Variants in MSH6 observed in about 807,000 individuals in gnomAD.
MSH6 encodes the protein mutS homolog 6.
A neutral mutation model predicts 119.1 loss-of-function variants in MSH6; 85 were observed. That is an observed-to-expected ratio of 0.71 (90% CI 0.60 to 0.85). The LOEUF (loss-of-function observed/expected upper bound fraction) is 0.85, where lower values mean the gene tolerates loss of function less well. Among genes scored for constraint, MSH6 ranks in the 40% least tolerant of loss-of-function variants. MSH6 has a pLI of 0.00. For missense variants in MSH6, 2,163 were observed against 1,655.3 expected (o/e 1.31, Z -5.32); for synonymous variants, 830 against 586.9 (o/e 1.41, Z -5.99).
At chr2:47,802,615 G>A (rs1247075418) in intron 4 of MSH6, among the ~76,000 whole-genome samples, 1 of 149,054 alleles carries the variant, frequency 6.7e-6, no homozygotes, top group Admixed American at 6.7e-5. Flanking sequence ...TTACACGCAT[G>A]AGCCACTGCG....
chr2:47,800,791 TTATGACCAAGCTCTTGCTGAC>T lies in MSH6; in HGVS notation c.2809_2829del (p.Tyr937_Asp943del). 1 of 1,614,128 alleles carries T rather than the reference TTATGACCAAGCTCTTGCTGAC, an allele frequency of 6.2e-7. No individual in the cohort carries two copies. Among genetic ancestry groups the T allele is most frequent in the Non-Finnish European group, 8.5e-7 (1 of 1,180,022 alleles). ...CTCCCAAAGCAGGCTTTGACTCTGA[TTATGACCAAGCTCTTGCTGAC>T]ATAAGAGAAAATGAACAGAGCCTCC... On this transcript the variant is annotated inframe_deletion, in exon 4 of 10. Coordinates refer to ENST00000234420, the MANE Select transcript of MSH6 (RefSeq NM_000179.3).
intron 3 of MSH6, 56 bp from the exon 4 acceptor site, chr2:47,798,555 C>A (rs1800936): frequency 6.3e-7 from 1 of 1,577,546 alleles, no homozygotes; most frequent in South Asian, 1.1e-5. Flanking sequence ...AACTGTCTTA[C>A]ATTATGGTTT....
intron 1 of MSH6, among the ~76,000 whole-genome samples, chr2:47,786,020 G>A (rs1668326706): frequency 6.6e-6 from 1 of 152,174 alleles, no homozygotes; most frequent in Non-Finnish European, 1.5e-5. Flanking sequence ...ATGGATCCTG[G>A]ATACAACCAT....
chr2:47,788,578 T>C (rs1396771119), intron 1 of MSH6, among the ~76,000 whole-genome samples: 1 of 146,364 alleles, frequency 6.8e-6, no homozygotes, highest in Non-Finnish European at 1.5e-5. Context: ...TTCTTTTTTT[T>C]TTTTTTTTTG....
chr2:47,788,903 CTTCCTTTTTTTTTTTTTTGTTT>C (rs1668527016), intron 1 of MSH6, among the ~76,000 whole-genome samples: 4 of 7,288 alleles, frequency 5.5e-4, no homozygotes, highest in African/African-American at 1.0e-3. Flanking sequence ...TTTCTTTCTT[CTTCCTTTTTTTTTTTTTTGTTT>C]TTTTTTTTTT....
At chr2:47,798,567 C>A (rs2104285690) in intron 3 of MSH6, 44 bp from the exon 4 acceptor site, 1 of 1,598,022 alleles carries the variant, frequency 6.3e-7, no homozygotes, top group Non-Finnish European at 8.5e-7. Flanking sequence ...TTATGGTTTT[C>A]CAAATTTTGA....
intron 1 of MSH6, among the ~76,000 whole-genome samples, chr2:47,788,920 TTG>T (rs1395160610): frequency 0.017 from 927 of 54,982 alleles, 74 homozygotes; most frequent in Non-Finnish European, 0.021. Context: ...TTTTTTTTTT[TTG>T]TTTTTTTTTT....
intron 3 of MSH6, 132 bp downstream of exon 3, chr2:47,796,195 A>C (rs1158137728): frequency 4.3e-6 from 4 of 924,712 alleles, no homozygotes; most frequent in Non-Finnish European, 6.9e-6. Context: ...ACATACATGC[A>C]TACTTCTGTA....
Position 47,806,290 on chromosome 2 carries a change from T to C in MSH6, c.3733T>C (p.Phe1245Leu). 2 of 1,614,144 alleles carry C rather than the reference T, an allele frequency of 1.2e-6. No individual in the cohort carries two copies. The highest frequency in any genetic ancestry group is 1.7e-6 in the Non-Finnish European group (2 of 1,180,002). Residue 1245 changes from phenylalanine to leucine, a missense_variant, in exon 8 of 10, where the codon TTT becomes CTT. Physicochemically the swap from Phe to Leu is conservative, Grantham distance 22 (BLOSUM62 0). Coordinates refer to ENST00000234420, the MANE Select transcript of MSH6 (RefSeq NM_000179.3). ...LAETIKCRTL[F>L]STHYHSLVED... is the part of the protein sequence containing the mutation. ...TGAGACTATAAAATGTCGTACATTA[T>C]TTTCAACTCACTACCATTCATTAGT...
chr2:47,791,404 CTT>C (rs1230024081), intron 2 of MSH6, among the ~76,000 whole-genome samples: 2 of 152,244 alleles, frequency 1.3e-5, no homozygotes, highest in East Asian at 3.9e-4. Flanking sequence ...GTCCCCCCAT[CTT>C]GAAGGGTCCA....
At chr2:47,808,991 C>G (rs149325575), downstream of MSH6, 2,399 of 518,320 alleles carry the variant, frequency 4.6e-3, 36 homozygotes, top group African/African-American at 0.04. Flanking sequence ...GCCACCACGC[C>G]TACCCACAGT....
intron 1 of MSH6, 72 bp downstream of exon 1, chr2:47,783,565 T>C (rs2103947773): frequency 1.6e-6 from 2 of 1,267,634 alleles, no homozygotes; most frequent in Non-Finnish European, 2.1e-6. Context: ...GAGGGGAGGC[T>C]CGCACAGGGG....
intron 1 of MSH6, among the ~76,000 whole-genome samples, chr2:47,789,045 G>A (rs1668566653): frequency 6.8e-6 from 1 of 145,986 alleles, no homozygotes; most frequent in Admixed American, 7.1e-5. Context: ...CCTGCTTCAG[G>A]CTCCCAAGTA....
At chr2:47,807,430 A>G (rs184465883), downstream of MSH6, 9 of 205,750 alleles carry the variant, frequency 4.4e-5, no homozygotes, top group Non-Finnish European at 7.0e-5. Context: ...AGGGAAGGAA[A>G]TAATAGTCTT....
rs142111387 is a variant in MSH6, at chr2:47,799,124, G to A, written c.1141G>A (p.Glu381Lys). ...EWLKEEKRRD[E>K]HRRRPDHPDF... ...GCTTAAGGAGGAAAAGAGAAGAGAT[G>A]AGCACAGGAGGAGGCCTGATCACCC... The change falls in exon 4 of 10, where the codon GAG (glutamate) becomes AAG (lysine). Residue 381 changes from glutamate (E) to lysine (K), a missense_variant. Physicochemically the swap from Glu to Lys is moderately conservative, Grantham distance 56. Transcript: ENST00000234420. The A allele has an allele frequency of 2.5e-6, 4 of 1,614,126 alleles. No homozygotes were observed. Among genetic ancestry groups the A allele is most frequent in the Non-Finnish European group, 2.5e-6 (3 of 1,180,018 alleles).
In MSH6 at chr2:47,799,666, T is replaced by G; in HGVS notation, c.1683T>G (p.Val561=). Residue 561 remains valine (V), a synonymous_variant, in exon 4 of 10, where the codon GTT becomes GTG. Coordinates refer to ENST00000234420, the MANE Select transcript of MSH6 (RefSeq NM_000179.3). ...GHTRAYGVCF[V]DTSLGKFFIG... ...CTCGTGCATATGGTGTGTGCTTTGT[T>G]GATACTTCACTGGGAAAGTTTTTCA... The G allele has an allele frequency of 6.2e-7, 1 of 1,614,198 alleles. No individual in the cohort carries two copies. The highest frequency in any genetic ancestry group is 1.1e-5 in the South Asian group (1 of 91,086).
At chr2:47,797,446 C>T (rs989066142) in intron 3 of MSH6, among the ~76,000 whole-genome samples, 5 of 152,118 alleles carry the variant, frequency 3.3e-5, no homozygotes, top group Admixed American at 6.6e-5. Context: ...ACAAATAATC[C>T]GGGAGATCCG....
In MSH6 at chr2:47,799,808, C is replaced by A. The variant is rs1426910114; in HGVS notation, c.1825C>A (p.Leu609Ile). 1 of 1,614,206 alleles carries A rather than the reference C, an allele frequency of 6.2e-7. No homozygotes were observed. The highest frequency in any genetic ancestry group is 2.2e-5 in the East Asian group (1 of 44,886). The stretch of plus-strand genomic sequence containing the variant: ...TCTCTCAAAGGAAACTAAAACAATT[C>A]TAAAGAGTTCATTGTCCTGTTCTCT... ...GNLSKETKTI[L>I]KSSLSCSLQE... The change falls in exon 4 of 10, where the codon CTA becomes ATA. Residue 609 changes from leucine to isoleucine, a missense_variant. Coordinates refer to ENST00000234420, the MANE Select transcript of MSH6 (RefSeq NM_000179.3).
At position 47,783,258 on chromosome 2, in the gene MSH6, A is replaced by G. The variant is rs41294986; in HGVS notation, c.25A>G (p.Ser9Gly). The change falls in exon 1 of 10, where the codon AGC becomes GGC. Residue 9 changes from serine (S) to glycine (G), a missense_variant. By Grantham distance (56) the Ser-to-Gly change is moderately conservative. Transcript: ENST00000234420. MSRQSTLY[S>G]FFPKSPALSD... Reference sequence around the variant, plus strand: ...TATGTCGCGACAGAGCACCCTGTACAGCTTCTTCCCCAAGTCTCCGGCGCT... The same window carrying G: ...TATGTCGCGACAGAGCACCCTGTACGGCTTCTTCCCCAAGTCTCCGGCGCT... 2.5e-5 allele frequency: 40 copies of G among 1,611,978 alleles called. No individual in the cohort carries two copies. The highest frequency in any genetic ancestry group is 3.2e-5 in the Non-Finnish European group (38 of 1,179,514).
Sources: allele counts gnomAD v4.1 joint callset (sites outside exome capture counted in the v4.1 genomes callset), GRCh38; gene constraint gnomAD v4.1.1; transcripts MANE v1.5; gene names NCBI Gene and HGNC (gene_info 2026-07-23, HGNC 2026-07-21).